Variants in SVEP1 observed in about 807,000 individuals in gnomAD.
SVEP1 encodes sushi, von Willebrand factor type A, EGF and pentraxin domain-containing protein 1.
A neutral mutation model predicts 367.3 loss-of-function variants in SVEP1; 164 were observed. The ratio of observed to expected loss-of-function variants is 0.45; its 90% confidence interval spans 0.39 to 0.51. SVEP1 has a LOEUF of 0.51. SVEP1 is among the 20% of genes least tolerant of loss of function. The probability of loss-of-function intolerance (pLI) is 0.00; values close to 1 mark genes in which losing one functional copy is unlikely to be tolerated. For synonymous variants in SVEP1, 1,666 were observed against 1,611.6 expected, an observed-to-expected ratio of 1.03 and a Z score of -0.81; for missense variants, 4,117 against 4,425.3, an observed-to-expected ratio of 0.93 and a Z score of 1.98.
At chr9:110,525,008 A>G (rs1011422420) in intron 3 of SVEP1, among the ~76,000 whole-genome samples, 2 of 152,112 alleles carry the variant, frequency 1.3e-5, no homozygotes, top group Non-Finnish European at 2.9e-5. Context: ...CACAAATAAT[A>G]TTATTCTTAA....
rs575755435 is a variant in SVEP1 at position 110,541,918 on chromosome 9, T to C, written c.964+4197A>G. Among the ~76,000 whole-genome samples the C allele has an allele frequency of 2.7e-5, 4 of 148,334 alleles. No homozygotes were observed. In the South Asian group the frequency reaches 8.4e-4, roughly 31 times the overall value. On this transcript the variant is annotated intron_variant, in intron 3 of 47. Transcript: ENST00000374469. ...AGATATCTATATATATCTATATACA[T>C]AGATATCTACATATTACATTTATAC...
intron 32 of SVEP1, among the ~76,000 whole-genome samples, chr9:110,431,022 G>A (rs1828342638): frequency 6.6e-6 from 1 of 152,172 alleles, no homozygotes. Context: ...CTCAAAACGG[G>A]AGGATATATT....
chr9:110,391,802 T>A (rs1378701442), intron 40 of SVEP1, among the ~76,000 whole-genome samples: 3 of 152,102 alleles, frequency 2.0e-5, no homozygotes, highest in Non-Finnish European at 4.4e-5. Context: ...TCTGTGAGGA[T>A]GTTTCTGGAT....
Position 110,481,243 on chromosome 9 carries a change from G to A in SVEP1, c.2364C>T (p.Ala788=), listed in dbSNP as rs373901616. Residue 788 remains alanine (A), a splice_region_variant and synonymous_variant, in exon 12 of 48, where the codon GCC becomes GCT. Coordinates refer to ENST00000374469, the MANE Select transcript of SVEP1 (RefSeq NM_153366.4). ...GTCTAGAATAAAATTAAAACTTACT[G>A]GCACAGTCTGGCCATTCAGTGGTAT... The part of the protein sequence containing the change: ...PTYTTEWPDC[A]KKRFANHGFK... The A allele has an allele frequency of 3.3e-5, 52 of 1,558,190 alleles. No individual in the cohort carries two copies. The highest frequency in any genetic ancestry group is 1.1e-4 in the Admixed American group (6 of 53,006).
intron 18 of SVEP1, among the ~76,000 whole-genome samples, chr9:110,465,366 G>T (rs1306586331): frequency 6.6e-6 from 1 of 151,932 alleles, no homozygotes; most frequent in Non-Finnish European, 1.5e-5. Flanking sequence ...TGGGAGAGAG[G>T]ATCAGGTTTC....
chr9:110,428,113 A>T (rs959603535), intron 35 of SVEP1, among the ~76,000 whole-genome samples: 1 of 152,094 alleles, frequency 6.6e-6, no homozygotes, highest in African/African-American at 2.4e-5. Context: ...GAAGAAAGAC[A>T]CTCACCTAAG....
chr9:110,570,970 C>CTTTTTTTTTT (rs374900472), intron 1 of SVEP1, among the ~76,000 whole-genome samples: 1 of 114,926 alleles, frequency 8.7e-6, no homozygotes, highest in Non-Finnish European at 1.8e-5. Flanking sequence ...CAGATGGCTC[C>CTTTTTTTTTT]TTTTTTTTTT....
At chr9:110,444,472 G>A (rs1828560242) in intron 26 of SVEP1, among the ~76,000 whole-genome samples, 1 of 152,192 alleles carries the variant, frequency 6.6e-6, no homozygotes, top group Non-Finnish European at 1.5e-5. Flanking sequence ...TATTATAGCA[G>A]CCTGAATGGA....
At chr9:110,492,098 G>A (rs1255236647) in intron 8 of SVEP1, among the ~76,000 whole-genome samples, 1 of 152,034 alleles carries the variant, frequency 6.6e-6, no homozygotes, top group Non-Finnish European at 1.5e-5. Context: ...TACATGCAAA[G>A]GCTTAATAAA....
At chr9:110,564,983 G>C (rs897414296) in intron 1 of SVEP1, among the ~76,000 whole-genome samples, 1 of 151,978 alleles carries the variant, frequency 6.6e-6, no homozygotes, top group Admixed American at 6.6e-5. Flanking sequence ...AATATGCACT[G>C]GACATATAAA....
chr9:110,563,284 TACATATG>T (rs1195961294), intron 1 of SVEP1, among the ~76,000 whole-genome samples: 15 of 152,218 alleles, frequency 9.9e-5, no homozygotes, highest in African/African-American at 3.6e-4. Flanking sequence ...GTGCTTTTAC[TACATATG>T]ACATATAATT....
intron 43 of SVEP1, among the ~76,000 whole-genome samples, chr9:110,381,489 G>A (rs746723681): frequency 3.3e-5 from 5 of 152,106 alleles, no homozygotes; most frequent in African/African-American, 7.2e-5. Flanking sequence ...CAATTTCCAC[G>A]TAGTTGTGTG....
At chr9:110,393,488 C>T (rs538193978) in intron 40 of SVEP1, among the ~76,000 whole-genome samples, 19 of 152,274 alleles carry the variant, frequency 1.2e-4, no homozygotes, top group African/African-American at 1.9e-4. Context: ...ACTGAGGTAC[C>T]GGGTTCATCT....
At chr9:110,528,456 C>A (rs766550366) in intron 3 of SVEP1, among the ~76,000 whole-genome samples, 1 of 151,692 alleles carries the variant, frequency 6.6e-6, no homozygotes, top group African/African-American at 2.4e-5. Flanking sequence ...TCACCATATC[C>A]GTGCCAACAT....
intron 29 of SVEP1, 41 bp from the exon 30 acceptor site, chr9:110,434,547 T>TTGTTTTGCATTAAAAAAACAA (rs764857408): frequency 6.3e-7 from 1 of 1,591,202 alleles, no homozygotes; most frequent in East Asian, 2.3e-5. Flanking sequence ...GTCAGCGGCA[T>TTGTTTTGCATTAAAAAAACAA]AGTGGTAGCA....
At chr9:110,498,265 T>C (rs985701202) in intron 7 of SVEP1, among the ~76,000 whole-genome samples, 2 of 152,230 alleles carry the variant, frequency 1.3e-5, no homozygotes, top group African/African-American at 4.8e-5. Flanking sequence ...GAGTTATTTG[T>C]GGTCTAAAGG....
In SVEP1 at chr9:110,579,576, C is replaced by G; in HGVS notation, c.-33G>C. ...GAGACAGAGCGGCTGCCCCGGAGCG[C>G]AGGCGGCGGCTCGGGCGGGAAGAGG... On this transcript the variant is annotated 5_prime_UTR_variant, in exon 1 of 48. Coordinates refer to ENST00000374469, the MANE Select transcript of SVEP1 (RefSeq NM_153366.4). The surrounding 1 kb of genome is among the most constrained non-coding windows in gnomAD (Gnocchi z 5.3). The G allele has an allele frequency of 6.5e-7, 1 of 1,532,604 alleles. No individual in the cohort carries two copies. The highest frequency in any genetic ancestry group is 8.7e-7 in the Non-Finnish European group (1 of 1,146,246). The allele number at this position is 1,532,604 out of a possible 1,614,324, so 94.9% of individuals were successfully genotyped here. A position where few individuals can be genotyped will look rare whatever the true frequency, so the allele number is the denominator to read the frequency against.
intron 1 of SVEP1, among the ~76,000 whole-genome samples, chr9:110,557,283 T>C (rs151116996): frequency 3.3e-5 from 5 of 152,346 alleles, no homozygotes; most frequent in African/African-American, 9.6e-5. Flanking sequence ...CTACTTCTAA[T>C]TGAGATTGAA....
intron 40 of SVEP1, among the ~76,000 whole-genome samples, chr9:110,395,630 T>C (rs1034493003): frequency 6.6e-6 from 1 of 151,824 alleles, no homozygotes; most frequent in African/African-American, 2.4e-5. Context: ...GAGACACACA[T>C]AGGCTCAAAA....
Sources: allele counts gnomAD v4.1 joint callset (sites outside exome capture counted in the v4.1 genomes callset), GRCh38; gene constraint gnomAD v4.1.1; non-coding constraint Gnocchi (gnomAD v3.1); transcripts MANE v1.5; gene names NCBI Gene and HGNC (gene_info 2026-07-23, HGNC 2026-07-21).